The following ZNF536 variants were observed in gnomAD, a reference collection of about 807,000 sequenced individuals.
ZNF536 encodes zinc finger protein 536.
In ZNF536, 13 loss-of-function variants were observed where a neutral mutation model predicts 84.5. The ratio of observed to expected loss-of-function variants is 0.15; its 90% CI spans 0.10 to 0.24. The LOEUF (loss-of-function observed/expected upper bound fraction) is 0.24, where lower values mean the gene tolerates loss of function less well. ZNF536 is among the 10% of genes least tolerant of loss of function. ZNF536 has a pLI of 1.00. For synonymous variants in ZNF536, 811 were observed against 742.5 expected (o/e 1.09, Z -1.50); for missense variants, 1,536 against 1,747.5 (o/e 0.88, Z 2.16).
intron 1 of ZNF536, among the ~76,000 whole-genome samples, chr19:30,580,686 T>A (rs2046890345): frequency 6.6e-6 from 1 of 152,194 alleles, no homozygotes; most frequent in African/African-American, 2.4e-5. Flanking sequence ...GCTCCTATGA[T>A]CCTGTGTGGA....
chr19:30,389,096 C>A (rs1335641977), intron 1 of ZNF536, among the ~76,000 whole-genome samples: 1 of 152,244 alleles, frequency 6.6e-6, no homozygotes, highest in Non-Finnish European at 1.5e-5. Flanking sequence ...GAGTGTCAGG[C>A]CTGCCTGTTT....
Position 30,549,003 on chromosome 19 carries a change from T to G in ZNF536, c.3384T>G (p.Ser1128Arg), listed in dbSNP as rs1009272419. 2.2e-5 allele frequency: 35 copies of G among 1,614,128 alleles called. No homozygotes were observed. Among genetic ancestry groups the G allele is most frequent in the Non-Finnish European group, 3.0e-5 (35 of 1,180,020 alleles). ...GCATGGTTGGCTCAGGGGCCTCCAGTTCCTGCCCCAACAAGGAGCCTGATG... is the reference window on the plus strand; with the variant it reads ...GCATGGTTGGCTCAGGGGCCTCCAGGTCCTGCCCCAACAAGGAGCCTGATG... ...YPGMVGSGAS[S>R]SCPNKEPDGK... The change falls in exon 4 of 5, where the codon AGT (serine) becomes AGG (arginine). Residue 1128 changes from serine (S) to arginine (R), a missense_variant. This residue lies in a region of ZNF536 where 624 missense variants were observed against 603.1 expected (regional missense o/e 1.03). Transcript: ENST00000355537.
At chr19:30,342,057 A>C (rs930842325) in intron 2 of ZNF536, among the ~76,000 whole-genome samples, 2 of 152,240 alleles carry the variant, frequency 1.3e-5, no homozygotes, top group African/African-American at 4.8e-5. Context: ...TTTAAAGTCA[A>C]AACTCCTCTT....
intron 2 of ZNF536, among the ~76,000 whole-genome samples, chr19:30,523,399 A>G (rs1568513644): frequency 6.6e-6 from 1 of 152,174 alleles, no homozygotes; most frequent in Non-Finnish European, 1.5e-5. Context: ...TTTTGCAGAT[A>G]AGGAAACCAA....
At chr19:30,354,198 GC>G (rs1191163039) in intron 3 of ZNF536, among the ~76,000 whole-genome samples, 3 of 152,034 alleles carry the variant, frequency 2.0e-5, no homozygotes, top group Non-Finnish European at 4.4e-5. Context: ...AGTAGCTCCA[GC>G]CTCATCAGAT....
intron 1 of ZNF536, among the ~76,000 whole-genome samples, chr19:30,441,178 G>A (rs141035067): frequency 1.1e-3 from 163 of 152,286 alleles, no homozygotes; most frequent in African/African-American, 3.6e-3. Flanking sequence ...AAAATAGCCC[G>A]TCTTCCTGGA....
chr19:30,411,441 T>G (rs1298179261), intron 1 of ZNF536, among the ~76,000 whole-genome samples: 1 of 152,206 alleles, frequency 6.6e-6, no homozygotes, highest in African/African-American at 2.4e-5. Context: ...TTTTAAAAAG[T>G]CTTTACCAAG....
intron 1 of ZNF536, among the ~76,000 whole-genome samples, chr19:30,400,825 T>G (rs1023648663): frequency 2.6e-5 from 4 of 152,222 alleles, no homozygotes; most frequent in African/African-American, 9.6e-5. Context: ...TTTTATCTTC[T>G]TAGCAGGGTT....
rs761713867 is a variant in ZNF536 at position 30,445,474 on chromosome 19, C to A, written c.1912C>A (p.Arg638=). The change falls in exon 2 of 5, where the codon CGG becomes AGG. Residue 638 remains arginine (R), a synonymous_variant. Coordinates refer to ENST00000355537, the MANE Select transcript of ZNF536 (RefSeq NM_014717.3). The surrounding 1 kb of genome is among the most constrained non-coding windows in gnomAD (Gnocchi z 4.5). ...GCCCACCGAGTGCCCCGACTGCGGC[C>A]GGGTGTTCCGCACTTACCACCAGGT... ...EKPTECPDCG[R]VFRTYHQVVV... 1.2e-6 allele frequency: 2 copies of A among 1,614,170 alleles called. No homozygotes were observed. The highest frequency in any genetic ancestry group is 1.1e-5 in the South Asian group (1 of 91,082).
At chr19:30,470,830 T>C (rs575939111) in intron 2 of ZNF536, among the ~76,000 whole-genome samples, 1 of 151,748 alleles carries the variant, frequency 6.6e-6, no homozygotes, top group East Asian at 1.9e-4. Context: ...GGATTATAGG[T>C]GCATGCCACC....
intron 3 of ZNF536, among the ~76,000 whole-genome samples, chr19:30,366,632 T>G (rs901106584): frequency 1.4e-4 from 21 of 150,696 alleles, no homozygotes; most frequent in Non-Finnish European, 2.8e-4. Context: ...ATCTATCATC[T>G]ATCCATCTAT....
At chr19:30,577,057 G>C (rs2046764383) in intron 1 of ZNF536, among the ~76,000 whole-genome samples, 2 of 152,210 alleles carry the variant, frequency 1.3e-5, no homozygotes, top group Non-Finnish European at 2.9e-5. Flanking sequence ...ATCTTGAAAA[G>C]TAGCTTTTTG....
At chr19:30,343,081 C>T (rs1458889872) in intron 2 of ZNF536, among the ~76,000 whole-genome samples, 1 of 152,126 alleles carries the variant, frequency 6.6e-6, no homozygotes, top group African/African-American at 2.4e-5. Flanking sequence ...CCACCCTCGG[C>T]CCGGTGGGGA....
intron 1 of ZNF536, among the ~76,000 whole-genome samples, chr19:30,255,851 A>G (rs1211168166): frequency 6.6e-6 from 1 of 152,208 alleles, no homozygotes; most frequent in East Asian, 1.9e-4. Flanking sequence ...ATTTATGGAA[A>G]AGTGGTGCTA....
intron 1 of ZNF536, among the ~76,000 whole-genome samples, chr19:30,675,101 CA>C (rs1482537546): frequency 6.6e-6 from 1 of 152,204 alleles, no homozygotes; most frequent in Non-Finnish European, 1.5e-5. Context: ...CTCTGGCTTT[CA>C]TTCCTGTAGC....
chr19:30,380,036 C>T (rs2048962938), intron 1 of ZNF536, among the ~76,000 whole-genome samples: 1 of 152,204 alleles, frequency 6.6e-6, no homozygotes, highest in Non-Finnish European at 1.5e-5. Flanking sequence ...TGAGCCCAGG[C>T]CACCACCGCC....
chr19:30,639,938 G>T (rs1333516544), intron 1 of ZNF536, among the ~76,000 whole-genome samples: 1 of 152,194 alleles, frequency 6.6e-6, no homozygotes, highest in Non-Finnish European at 1.5e-5. Context: ...ATTACACCTT[G>T]AAATTATTTA....
At chr19:30,620,313 C>T (rs2147132272) in intron 1 of ZNF536, among the ~76,000 whole-genome samples, 1 of 151,654 alleles carries the variant, frequency 6.6e-6, no homozygotes, top group East Asian at 2.0e-4. Flanking sequence ...TGTGAAACAT[C>T]ATTACTGCTA....
At chr19:30,251,117 C>T (rs763370068) in intron 1 of ZNF536, among the ~76,000 whole-genome samples, 8 of 152,106 alleles carry the variant, frequency 5.3e-5, no homozygotes, top group Non-Finnish European at 1.0e-4. Flanking sequence ...TCCCTATCAT[C>T]GGTGGGGAAT....
Sources: allele counts gnomAD v4.1 joint callset (sites outside exome capture counted in the v4.1 genomes callset), GRCh38; gene constraint gnomAD v4.1.1; regional missense constraint gnomAD v4.1.1; non-coding constraint Gnocchi (gnomAD v3.1); transcripts MANE v1.5; gene names NCBI Gene and HGNC (gene_info 2026-07-23, HGNC 2026-07-21).